The following MOCS1 variants were observed in gnomAD, a reference collection of about 807,000 sequenced individuals.
MOCS1 encodes the protein molybdenum cofactor synthesis 1, also known as molybdenum cofactor biosynthesis protein 1.
Under a neutral mutation model 57.6 loss-of-function variants are expected in MOCS1, and 39 were observed. That is an observed-to-expected ratio of 0.68 (90% CI 0.52 to 0.88). The LOEUF (loss-of-function observed/expected upper bound fraction) is 0.88, where lower values mean the gene tolerates loss of function less well. MOCS1 is among the 40% of genes least tolerant of loss of function. The pLI, the probability that MOCS1 is intolerant of heterozygous loss-of-function variation, is 0.00. For missense variants in MOCS1, 795 were observed against 831.1 expected (o/e 0.96, Z 0.53); for synonymous variants, 334 against 335.7 (o/e 1.00, Z 0.05).
chr6:39,908,950 A>G, intron 10 of MOCS1, 105 bp downstream of exon 10: 2 of 949,136 alleles, frequency 2.1e-6, no homozygotes, highest in South Asian at 2.6e-5. Context: ...AAGGATGAGA[A>G]ATCAGCATGA....
intron 5 of MOCS1, 79 bp downstream of exon 5, chr6:39,913,695 G>T: frequency 6.7e-7 from 1 of 1,492,178 alleles, no homozygotes; most frequent in Non-Finnish European, 9.3e-7. Context: ...GGGCTCTCAA[G>T]TGGGCCAAGG....
Position 39,912,274 on chromosome 6 carries a change from C to T in MOCS1, c.971G>A (p.Gly324Glu), listed in dbSNP as rs1187685038. The T allele has an allele frequency of 1.2e-6, 2 of 1,611,626 alleles. No individual in the cohort carries two copies. Among genetic ancestry groups the T allele is most frequent in the South Asian group, 2.2e-5 (2 of 90,984 alleles). Reference protein sequence around the residue: ...TCNRLRITADGNLKVCLFGNS... With the variant: ...TCNRLRITADENLKVCLFGNS... ...GGAGGGGATGCTCACCTTGAGGTTC[C>T]CATCAGCTGTGATTCGCAGGCGGTT... is the stretch of plus-strand genomic sequence containing the variant. Residue 324 changes from glycine (G) to glutamate (E), a missense_variant, in exon 8 of 11, where the codon GGG (glycine) becomes GAG (glutamate). By Grantham distance (98) the Gly-to-Glu change is moderately conservative (BLOSUM62 -2). Transcript: ENST00000340692.
At chr6:39,913,688 C>T (rs1422332360) in intron 5 of MOCS1, 86 bp downstream of exon 5, 5 of 1,438,914 alleles carry the variant, frequency 3.5e-6, no homozygotes, top group Non-Finnish European at 4.9e-6. Context: ...GAGCTGAGGG[C>T]TCTCAAGTGG....
At chr6:39,911,703 T>C (rs1475901826) in intron 8 of MOCS1, among the ~76,000 whole-genome samples, 1 of 151,460 alleles carries the variant, frequency 6.6e-6, no homozygotes, top group Non-Finnish European at 1.5e-5. Flanking sequence ...TCTTCAAGGC[T>C]CGCTGAGGTC....
intron 1 of MOCS1, 150 bp downstream of exon 1, chr6:39,934,145 A>G: frequency 2.7e-6 from 3 of 1,130,716 alleles, no homozygotes; most frequent in East Asian, 5.6e-5. Context: ...CGGGCGGTCC[A>G]TCTGGAGAAC....
intron 1 of MOCS1, 112 bp downstream of exon 1, chr6:39,934,183 T>G: frequency 7.4e-7 from 1 of 1,350,846 alleles, no homozygotes; most frequent in Non-Finnish European, 9.8e-7. Context: ...TGCCAACGGG[T>G]CCCTCCCAGA....
chr6:39,912,856 C>T (rs777671623), intron 7 of MOCS1, 36 bp downstream of exon 7: 2 of 1,546,148 alleles, frequency 1.3e-6, no homozygotes, highest in South Asian at 2.2e-5. Context: ...GTACGACCTT[C>T]CTCCAGGCCT....
At chr6:39,926,842 G>A (rs544420066) in intron 2 of MOCS1, among the ~76,000 whole-genome samples, 21 of 148,564 alleles carry the variant, frequency 1.4e-4, no homozygotes, top group Admixed American at 8.7e-4. Context: ...CAGATCCAGA[G>A]CACTCTTTGG....
chr6:39,922,454 T>A (rs1417688576), intron 3 of MOCS1, among the ~76,000 whole-genome samples: 6 of 152,308 alleles, frequency 3.9e-5, no homozygotes, highest in African/African-American at 1.4e-4. Context: ...TTCGTGTATT[T>A]TATGTGTGGC....
At chr6:39,915,599 T>C (rs912238510) in intron 4 of MOCS1, among the ~76,000 whole-genome samples, 7 of 151,980 alleles carry the variant, frequency 4.6e-5, no homozygotes, top group African/African-American at 1.7e-4. Context: ...AGGAGGTGCA[T>C]AGGAGGGGCT....
intron 7 of MOCS1, 83 bp from the exon 8 acceptor site, chr6:39,912,457 C>A: frequency 1.0e-6 from 1 of 978,322 alleles, no homozygotes; most frequent in Non-Finnish European, 1.7e-6. Context: ...ACATCAGAAC[C>A]TCCACTCCTC....
intron 3 of MOCS1, among the ~76,000 whole-genome samples, chr6:39,920,809 T>C (rs1337041031): frequency 6.6e-6 from 1 of 151,262 alleles, no homozygotes; most frequent in East Asian, 1.9e-4. Flanking sequence ...CAAAACACTG[T>C]CTCTACAAAA....
chr6:39,914,908 A>G (rs1767567581), intron 4 of MOCS1, among the ~76,000 whole-genome samples: 1 of 152,144 alleles, frequency 6.6e-6, no homozygotes, highest in Non-Finnish European at 1.5e-5. Flanking sequence ...CGGGCAGTAC[A>G]GCCCACAGAT....
intron 3 of MOCS1, among the ~76,000 whole-genome samples, chr6:39,923,910 A>G (rs1768120374): frequency 6.6e-6 from 1 of 152,218 alleles, no homozygotes; most frequent in Non-Finnish European, 1.5e-5. Context: ...TCGTGTGCTC[A>G]GCACAGTAGG....
At chr6:39,912,103 C>T (rs1767366446) in intron 8 of MOCS1, among the ~76,000 whole-genome samples, 161 bp downstream of exon 8, 1 of 152,176 alleles carries the variant, frequency 6.6e-6, no homozygotes, top group South Asian at 2.1e-4. Context: ...TTCACCCTCA[C>T]CTGCTGCTCC....
intron 10 of MOCS1, among the ~76,000 whole-genome samples, chr6:39,908,680 A>G (rs1767105929): frequency 6.6e-6 from 1 of 152,192 alleles, no homozygotes; most frequent in South Asian, 2.1e-4. Flanking sequence ...TGGGTACTAC[A>G]GAGGACACCT....
At position 39,906,522 on chromosome 6, in the gene MOCS1, C is replaced by T. The variant is rs553080692; in HGVS notation, c.1746G>A (p.Arg582=). Residue 582 remains arginine, a synonymous_variant, in exon 11 of 11, where the codon CGG becomes CGA. Coordinates refer to ENST00000340692, the MANE Select transcript of MOCS1 (RefSeq NM_001358530.2). ...TCTCCACCCCGGTGGGGCCCCGAGC[C>T]CGGCAAGATGCCTGGATCTTCACGG... ...RHAVKIQASC[R]ARGPTGVEME... is the part of the protein sequence containing the mutation. 4 of 1,613,930 alleles carry T rather than the reference C, an allele frequency of 2.5e-6. No homozygotes were observed. The South Asian group carries it at 4.4e-5, about 18-fold the overall frequency.
chr6:39,932,061 A>G (rs190920071), intron 1 of MOCS1, among the ~76,000 whole-genome samples: 70 of 152,066 alleles, frequency 4.6e-4, no homozygotes, highest in African/African-American at 8.2e-4. Flanking sequence ...CCTTTCCGCA[A>G]TCCTCACAGC....
In MOCS1 at chr6:39,909,733, C is replaced by T. The variant is rs574319747; in HGVS notation, c.1102+102G>A. ...ATGATGCTGACTCTCGCCAGCTTCC[C>T]CCTAGGTGTTCCTTGGTCATCTCAC... On this transcript the variant is annotated intron_variant, in intron 9 of 10. Coordinates refer to ENST00000340692, the MANE Select transcript of MOCS1 (RefSeq NM_001358530.2). 16 of 1,527,980 alleles carry T rather than the reference C, an allele frequency of 1.0e-5. No homozygotes were observed. The African/African-American group carries it at 1.9e-4, about 18-fold the overall frequency. The allele number at this position is 1,527,980 out of a possible 1,614,324, so 94.7% of individuals were successfully genotyped here.
Sources: allele counts gnomAD v4.1 joint callset (sites outside exome capture counted in the v4.1 genomes callset), GRCh38; gene constraint gnomAD v4.1.1; transcripts MANE v1.5; gene names NCBI Gene and HGNC (gene_info 2026-07-23, HGNC 2026-07-21).